Variants in GALNT5 observed in about 807,000 individuals in gnomAD.
GALNT5 encodes the protein polypeptide N-acetylgalactosaminyltransferase 5.
GALNT5 carries 72 observed loss-of-function variants against 85.4 expected under a neutral mutation model. The observed-to-expected ratio is 0.84, with a 90% CI of 0.70 to 1.03. The LOEUF is 1.03. Among genes scored for constraint, GALNT5 ranks in the 50% least tolerant of loss-of-function variants. The pLI is 0.00. For missense variants in GALNT5, 1,137 were observed against 1,135.5 expected (o/e 1.00, Z -0.02); for synonymous variants, 404 against 397.0 (o/e 1.02, Z -0.21).
chr2:157,263,406 T>C (rs1277927076), intron 1 of GALNT5, among the ~76,000 whole-genome samples: 1 of 152,228 alleles, frequency 6.6e-6, no homozygotes, highest in African/African-American at 2.4e-5. Flanking sequence ...AATTCAATGT[T>C]GCTCAGAATC....
intron 3 of GALNT5, among the ~76,000 whole-genome samples, chr2:157,295,248 A>G (rs2105155872): frequency 6.6e-6 from 1 of 152,248 alleles, no homozygotes; most frequent in South Asian, 2.1e-4. Context: ...TGTGTGAAGT[A>G]ATTTTTCCTC....
chr2:157,304,676 G>C (rs1382046464), intron 7 of GALNT5, among the ~76,000 whole-genome samples: 2 of 152,118 alleles, frequency 1.3e-5, no homozygotes, highest in Admixed American at 6.5e-5. Flanking sequence ...TCCATATGAG[G>C]GAACAAGTCT....
chr2:157,261,713 T>A (rs1682343817), intron 1 of GALNT5, among the ~76,000 whole-genome samples: 2 of 152,208 alleles, frequency 1.3e-5, no homozygotes, highest in Non-Finnish European at 2.9e-5. Flanking sequence ...CCCAAACACC[T>A]TGACTATAAA....
intron 1 of GALNT5, among the ~76,000 whole-genome samples, chr2:157,274,150 G>T (rs960193539): frequency 1.3e-5 from 2 of 152,134 alleles, no homozygotes; most frequent in African/African-American, 4.8e-5. Context: ...CAAAGGACAT[G>T]AACTCATCAT....
At chr2:157,266,321 T>C (rs1682458640) in intron 1 of GALNT5, among the ~76,000 whole-genome samples, 1 of 152,212 alleles carries the variant, frequency 6.6e-6, no homozygotes, top group Admixed American at 6.5e-5. Context: ...AGTGCCAATG[T>C]TGGGACCCAA....
chr2:157,304,983 C>T (rs895498), intron 7 of GALNT5, among the ~76,000 whole-genome samples: 2 of 152,208 alleles, frequency 1.3e-5, no homozygotes, highest in Non-Finnish European at 2.9e-5. Context: ...AGGACATGTC[C>T]TATAGATTCG....
Position 157,286,103 on chromosome 2 carries a change from G to A in GALNT5, c.1710G>A (p.Arg570=). The A allele has an allele frequency of 1.2e-6, 2 of 1,613,350 alleles. No individual in the cohort carries two copies. The highest frequency in any genetic ancestry group is 2.2e-5 in the South Asian group (2 of 91,062). ...TCAAAGAGAGACATGGCTTAATAAG[G>A]GCCAGGCTGGCAGGAGCACAGAATG... ...LRLKERHGLI[R]ARLAGAQNAT... Residue 570 remains arginine, a synonymous_variant, in exon 3 of 10, where the codon AGG becomes AGA. Transcript: ENST00000259056.
At position 157,286,071 on chromosome 2, in the gene GALNT5, C is replaced by A; in HGVS notation, c.1678C>A (p.Leu560Ile). The A allele has an allele frequency of 3.1e-6, 5 of 1,610,516 alleles. No individual in the cohort carries two copies. The highest frequency in any genetic ancestry group is 1.3e-5 in the African/African-American group (1 of 74,982). ...GTCCCAGTTTCCAAAAGTTCGGATT[C>A]TTCGCCTCAAAGAGAGACATGGCTT... The part of the protein sequence containing the change: ...YMSQFPKVRI[L>I]RLKERHGLIR... Residue 560 changes from leucine (L) to isoleucine (I), a missense_variant, in exon 3 of 10, where the codon CTT becomes ATT. Transcript: ENST00000259056.
intron 6 of GALNT5, among the ~76,000 whole-genome samples, chr2:157,300,025 A>G: frequency 6.6e-6 from 1 of 152,234 alleles, no homozygotes; most frequent in East Asian, 1.9e-4. Flanking sequence ...GTAATGGATC[A>G]TCTTAGAGAA....
intron 5 of GALNT5, among the ~76,000 whole-genome samples, chr2:157,297,409 T>G (rs908034157): frequency 6.6e-6 from 1 of 152,158 alleles, no homozygotes; most frequent in Non-Finnish European, 1.5e-5. Flanking sequence ...GAATTCACCT[T>G]AAAGAGATGG....
chr2:157,276,354 G>A (rs1444621721), intron 1 of GALNT5, among the ~76,000 whole-genome samples: 1 of 152,150 alleles, frequency 6.6e-6, no homozygotes, highest in Admixed American at 6.5e-5. Context: ...GAGTTAGGGA[G>A]GATTCCTGCT....
chr2:157,290,112 T>TATATATATATATATATACACACACACAC (rs1416458086), intron 3 of GALNT5, among the ~76,000 whole-genome samples: 1 of 138,234 alleles, frequency 7.2e-6, no homozygotes, highest in African/African-American at 3.1e-5. Flanking sequence ...TATATATATA[T>TATATATATATATATATACACACACACAC]ACATACACAA....
chr2:157,309,787 T>A (rs555325818), intron 9 of GALNT5, among the ~76,000 whole-genome samples: 1 of 152,248 alleles, frequency 6.6e-6, no homozygotes, highest in Non-Finnish European at 1.5e-5. Context: ...TCTGTTGTAT[T>A]TCAATTCTTT....
rs145848643 is a variant in GALNT5, at chr2:157,304,145, A to C, written c.2440-1604A>C. Among the ~76,000 whole-genome samples the C allele has an allele frequency of 3.7e-3, 561 of 152,292 alleles. 3 individuals carry two copies. The highest frequency in any genetic ancestry group is 0.012 in the African/African-American group (483 of 41,548). On this transcript the variant is annotated intron_variant, in intron 7 of 9. Coordinates refer to ENST00000259056, the MANE Select transcript of GALNT5 (RefSeq NM_014568.3). Reference sequence around the variant, plus strand: ...CATGCTTTCCTTCCTTTAAGCCCCGAGATTATTCTACCTTCATGTCTTTCT... The same window carrying C: ...CATGCTTTCCTTCCTTTAAGCCCCGCGATTATTCTACCTTCATGTCTTTCT...
chr2:157,277,012 G>T (rs375333833), intron 1 of GALNT5, among the ~76,000 whole-genome samples: 1 of 151,978 alleles, frequency 6.6e-6, no homozygotes. Context: ...AGAGATTCTG[G>T]TATGTTGTGT....
At chr2:157,297,257 C>G (rs967234415) in intron 5 of GALNT5, among the ~76,000 whole-genome samples, 3 of 152,184 alleles carry the variant, frequency 2.0e-5, no homozygotes, top group Admixed American at 6.5e-5. Context: ...ACTTACCCCT[C>G]AATCAGTCAT....
rs549733249 is a variant in GALNT5 at position 157,279,791 on chromosome 2, C to A, written c.1455-4491C>A. Among the ~76,000 whole-genome samples, 42 of 152,328 alleles carry A rather than the reference C, an allele frequency of 2.8e-4. 1 individual carries two copies. In the South Asian group the frequency reaches 8.7e-3, roughly 32 times the overall value. Reference sequence around the variant, plus strand: ...GCGCTTCCTGGGTGAGGTGATGCCCCAACCTGCTTTGGCTCACCCTCTGTG... The same window carrying A: ...GCGCTTCCTGGGTGAGGTGATGCCCAAACCTGCTTTGGCTCACCCTCTGTG... On this transcript the variant is annotated intron_variant, in intron 1 of 9. Transcript: ENST00000259056.
intron 1 of GALNT5, among the ~76,000 whole-genome samples, chr2:157,270,711 G>C (rs1682564143): frequency 6.6e-6 from 1 of 152,214 alleles, no homozygotes; most frequent in African/African-American, 2.4e-5. Flanking sequence ...AAGCAAGGCA[G>C]ATTTGTCCTA....
At chr2:157,265,339 G>A (rs1682434435) in intron 1 of GALNT5, among the ~76,000 whole-genome samples, 1 of 152,192 alleles carries the variant, frequency 6.6e-6, no homozygotes, top group Non-Finnish European at 1.5e-5. Flanking sequence ...TTATAACAAA[G>A]GGAATAACAA....
Sources: allele counts gnomAD v4.1 joint callset (sites outside exome capture counted in the v4.1 genomes callset), GRCh38; gene constraint gnomAD v4.1.1; transcripts MANE v1.5; gene names NCBI Gene and HGNC (gene_info 2026-07-23, HGNC 2026-07-21).